The following SNAP23 variants were observed in gnomAD, a reference collection of about 807,000 sequenced individuals.
SNAP23 encodes the protein synaptosome associated protein 23.
In SNAP23, 11 loss-of-function variants were observed where a neutral mutation model predicts 29.0. The ratio of observed to expected loss-of-function variants is 0.38; its 90% CI spans 0.24 to 0.63. The LOEUF is 0.63. Among genes scored for constraint, SNAP23 ranks in the 20% least tolerant of loss-of-function variants. The pLI is 0.58. For synonymous variants in SNAP23, 60 were observed against 82.9 expected (o/e 0.72, Z 1.50); for missense variants, 220 against 253.9 (o/e 0.87, Z 0.91).
intron 7 of SNAP23, 148 bp downstream of exon 7, chr15:42,529,967 A>G: frequency 2.5e-6 from 2 of 811,462 alleles, no homozygotes; most frequent in Non-Finnish European, 3.7e-6. Flanking sequence ...GTTCTAACAC[A>G]TAAAACAAGA....
chr15:42,503,268 C>T (rs1338423029), intron 1 of SNAP23, among the ~76,000 whole-genome samples: 1 of 151,904 alleles, frequency 6.6e-6, no homozygotes, highest in Non-Finnish European at 1.5e-5. Context: ...GCGGTGCGAT[C>T]TCGGCTAACT....
At chr15:42,503,606 G>A (rs1236634956) in intron 1 of SNAP23, among the ~76,000 whole-genome samples, 1 of 152,152 alleles carries the variant, frequency 6.6e-6, no homozygotes, top group Non-Finnish European at 1.5e-5. Flanking sequence ...ATGACCTCAA[G>A]TGATCTGCCC....
At chr15:42,528,921 G>T (rs1335355717) in intron 6 of SNAP23, among the ~76,000 whole-genome samples, 1 of 152,142 alleles carries the variant, frequency 6.6e-6, no homozygotes, top group Non-Finnish European at 1.5e-5. Flanking sequence ...GACCTTGGGT[G>T]ATGGAATTAA....
chr15:42,522,138 G>A (rs1269960390), intron 5 of SNAP23: 1 of 152,248 alleles, frequency 6.6e-6, no homozygotes, highest in Non-Finnish European at 1.5e-5. Flanking sequence ...TTAAAGTTTT[G>A]CTTCTAATGA....
intron 1 of SNAP23, among the ~76,000 whole-genome samples, chr15:42,508,603 G>A (rs1418629208): frequency 6.6e-6 from 1 of 152,174 alleles, no homozygotes; most frequent in East Asian, 1.9e-4. Flanking sequence ...CCTTCAGAAT[G>A]ACCTCATTGC....
chr15:42,505,168 C>T (rs190402812), intron 1 of SNAP23: 66 of 151,356 alleles, frequency 4.4e-4, no homozygotes, highest in African/African-American at 1.6e-3. Flanking sequence ...AGTCTTGGCT[C>T]ACTGCAGCCT....
intron 1 of SNAP23, among the ~76,000 whole-genome samples, chr15:42,502,773 C>CCGTT (rs2057284539): frequency 1.3e-5 from 2 of 152,160 alleles, no homozygotes; most frequent in African/African-American, 4.8e-5. Flanking sequence ...GTTCACATAA[C>CCGTT]CATTCTCATT....
At chr15:42,526,930 T>C (rs1357810368) in intron 5 of SNAP23, among the ~76,000 whole-genome samples, 1 of 151,696 alleles carries the variant, frequency 6.6e-6, no homozygotes, top group African/African-American at 2.4e-5. Context: ...CTCCGCCTCC[T>C]GGGTTCAAGC....
intron 1 of SNAP23, among the ~76,000 whole-genome samples, chr15:42,510,224 C>T (rs1321642356): frequency 3.3e-5 from 5 of 152,102 alleles, no homozygotes; most frequent in Admixed American, 2.0e-4. Context: ...CAGCCTCAAC[C>T]TCCTGGACTC....
chr15:42,517,255 C>A (rs545247816), intron 5 of SNAP23, among the ~76,000 whole-genome samples: 12 of 152,208 alleles, frequency 7.9e-5, no homozygotes, highest in Non-Finnish European at 1.6e-4. Context: ...ACTTGTCAAT[C>A]AGAGTTTAGC....
rs2057580878 is a variant in SNAP23, at chr15:42,533,046, T to A, written c.*1568T>A. On this transcript the variant is annotated 3_prime_UTR_variant, in exon 8 of 8. Coordinates refer to ENST00000249647, the MANE Select transcript of SNAP23 (RefSeq NM_003825.4). ...CCACTGCTTGATCCTTACAATTAAA[T>A]TTTTTAACTAACTAATGGTATTGTT... The A allele has an allele frequency of 6.5e-6, 1 of 152,672 alleles. No homozygotes were observed. The highest frequency in any genetic ancestry group is 1.5e-5 in the Non-Finnish European group (1 of 68,046). 9.5% of individuals were successfully genotyped at this position (152,672 alleles called of 1,614,324 possible).
upstream of SNAP23, among the ~76,000 whole-genome samples, chr15:42,493,128 GT>G (rs1217163878): frequency 1.3e-5 from 2 of 152,150 alleles, no homozygotes; most frequent in African/African-American, 2.4e-5. Context: ...GATCGCTTGA[GT>G]CCAGGAGTTT....
chr15:42,499,611 A>G (rs568371597), intron 1 of SNAP23, among the ~76,000 whole-genome samples: 1 of 152,276 alleles, frequency 6.6e-6, no homozygotes, highest in Non-Finnish European at 1.5e-5. Flanking sequence ...TATGTATTTT[A>G]TAGCTTTTTT....
chr15:42,514,340 C>T (rs1035259078), intron 4 of SNAP23, among the ~76,000 whole-genome samples: 1 of 151,922 alleles, frequency 6.6e-6, no homozygotes, highest in African/African-American at 2.4e-5. Context: ...TAGGGTTTCA[C>T]CATGTTGGCC....
At position 42,495,664 on chromosome 15, in the gene SNAP23, G is replaced by A. The variant is rs1177814942; in HGVS notation, c.-64G>A. 1 of 152,526 alleles carries A rather than the reference G, an allele frequency of 6.6e-6. No individual in the cohort carries two copies. The highest frequency in any genetic ancestry group is 2.4e-5 in the African/African-American group (1 of 41,490). The allele number at this position is 152,526 out of a possible 1,614,324, so 9.4% of individuals were successfully genotyped here. A position where few individuals can be genotyped will look rare whatever the true frequency, so the allele number is the denominator to read the frequency against. ...CGACTAGGGTGCAGCGCCAGGTCCG[G>A]TGTTGGGGTGTCCGAGTTGCCGCCG... On this transcript the variant is annotated 5_prime_UTR_variant, in exon 1 of 8. The change creates a new upstream start codon in the 5' untranslated region. Coordinates refer to ENST00000249647, the MANE Select transcript of SNAP23 (RefSeq NM_003825.4).
intron 5 of SNAP23, among the ~76,000 whole-genome samples, chr15:42,519,837 G>T (rs2057428790): frequency 6.6e-6 from 1 of 151,982 alleles, no homozygotes; most frequent in Non-Finnish European, 1.5e-5. Context: ...TAATTATGTG[G>T]TACTGTCCAA....
At position 42,529,699 on chromosome 15, in the gene SNAP23, T is replaced by C. The variant is rs779707711; in HGVS notation, c.450T>C (p.Asp150=). ...GCATAACTAATGATGCCAGAGAAGA[T>C]GAAATGGAAGAGAACCTGACTCAAG... ...IKRITNDARE[D]EMEENLTQVG... The change falls in exon 7 of 8, where the codon GAT becomes GAC. Residue 150 remains aspartate (D), a synonymous_variant. Coordinates refer to ENST00000249647, the MANE Select transcript of SNAP23 (RefSeq NM_003825.4). 2 of 1,614,014 alleles carry C rather than the reference T, an allele frequency of 1.2e-6. No individual in the cohort carries two copies. The highest frequency in any genetic ancestry group is 1.7e-6 in the Non-Finnish European group (2 of 1,179,970).
At chr15:42,513,516 C>A in intron 4 of SNAP23, 69 bp downstream of exon 4, 1 of 1,298,748 alleles carries the variant, frequency 7.7e-7, no homozygotes, top group Non-Finnish European at 1.1e-6. Context: ...AAATTAGCCA[C>A]ATACAAATTT....
At chr15:42,520,178 G>A (rs2057433202) in intron 5 of SNAP23, among the ~76,000 whole-genome samples, 1 of 150,718 alleles carries the variant, frequency 6.6e-6, no homozygotes, top group Non-Finnish European at 1.5e-5. Flanking sequence ...AGCCTCCCGA[G>A]TAGCTGGGAT....
Sources: allele counts gnomAD v4.1 joint callset (sites outside exome capture counted in the v4.1 genomes callset), GRCh38; gene constraint gnomAD v4.1.1; transcripts MANE v1.5; gene names NCBI Gene and HGNC (gene_info 2026-07-23, HGNC 2026-07-21).